SEMA3E: variants seen among roughly 807,000 people sequenced by gnomAD.
The protein encoded by SEMA3E is semaphorin 3E, also known as semaphorin-3E.
SEMA3E carries 49 observed loss-of-function variants against 93.6 expected under a neutral mutation model. The observed-to-expected ratio is 0.52, with a 90% CI of 0.42 to 0.66. The LOEUF is 0.66. Ranked by LOEUF, SEMA3E falls within the 30% of genes least tolerant of loss-of-function variation. SEMA3E has a pLI of 0.00. For missense variants in SEMA3E, 906 were observed against 964.8 expected, an observed-to-expected ratio of 0.94 and a Z score of 0.81; for synonymous variants, 363 against 330.7, an observed-to-expected ratio of 1.10 and a Z score of -1.06.
intron 16 of SEMA3E, among the ~76,000 whole-genome samples, chr7:83,379,983 T>C (rs1439513004): frequency 2.6e-5 from 4 of 151,820 alleles, no homozygotes; most frequent in Admixed American, 2.0e-4. Flanking sequence ...AAATCTTCCA[T>C]TGGGTTTTAT....
chr7:83,455,972 C>A (rs1335733059), intron 4 of SEMA3E, among the ~76,000 whole-genome samples: 2 of 152,174 alleles, frequency 1.3e-5, no homozygotes, highest in Non-Finnish European at 1.5e-5. Flanking sequence ...AGCAGAGGAG[C>A]CAACTAAACA....
chr7:83,392,451 T>G, intron 14 of SEMA3E, 104 bp downstream of exon 14: 1 of 1,277,138 alleles, frequency 7.8e-7, no homozygotes. Context: ...TACACAATAA[T>G]TAATACAGGT....
intron 1 of SEMA3E, among the ~76,000 whole-genome samples, chr7:83,592,256 T>C (rs1353754139): frequency 6.6e-6 from 1 of 152,090 alleles, no homozygotes; most frequent in African/African-American, 2.4e-5. Context: ...TCAAACATAC[T>C]TCATGCTAAA....
Position 83,648,481 on chromosome 7 carries a change from G to A in SEMA3E, c.62C>T (p.Thr21Ile). 1 of 1,610,912 alleles carries A rather than the reference G, an allele frequency of 6.2e-7. No individual in the cohort carries two copies. Among genetic ancestry groups the A allele is most frequent in the African/African-American group, 1.4e-5 (1 of 73,758 alleles). ...LLWGYLLELW[T>I]GGHTADTTHP... ...GGTAGTATCAGCTGTATGACCTCCT[G>A]TCCAAAGCTCCAGTAAGTAACCCCA... The change falls in exon 1 of 17, where the codon ACA (threonine) becomes ATA (isoleucine). Residue 21 changes from threonine (T) to isoleucine (I), a missense_variant. Thr to Ile is a moderately conservative substitution (Grantham distance 89, BLOSUM62 -1). Coordinates refer to ENST00000643230, the MANE Select transcript of SEMA3E (RefSeq NM_012431.3).
At chr7:83,445,062 A>T (rs1050077185) in intron 4 of SEMA3E, among the ~76,000 whole-genome samples, 8 of 152,180 alleles carry the variant, frequency 5.3e-5, no homozygotes, top group African/African-American at 1.7e-4. Context: ...CAGATGCAGC[A>T]AGGAAGCAGT....
intron 4 of SEMA3E, among the ~76,000 whole-genome samples, chr7:83,462,626 C>T (rs1222703143): frequency 6.6e-6 from 1 of 151,954 alleles, no homozygotes; most frequent in Non-Finnish European, 1.5e-5. Flanking sequence ...AAAACCTAAT[C>T]ACCTTTACCC....
At position 83,367,910 on chromosome 7, in the gene SEMA3E, G is replaced by A. The variant is rs760431278; in HGVS notation, c.2004C>T (p.Ile668=). ...TCTCCTCTTCCACTACCTCCAAGGT[G>A]ATTTTACGGACCGTATGGACAAAGC... ...EHSFVHTVRK[I]TLEVVEEEKV... Residue 668 remains isoleucine, a synonymous_variant, in exon 17 of 17, where the codon ATC becomes ATT. Transcript: ENST00000643230. 9.9e-6 allele frequency: 16 copies of A among 1,610,654 alleles called. No homozygotes were observed. In the East Asian group the frequency reaches 2.9e-4, roughly 29 times the overall value.
intron 1 of SEMA3E, among the ~76,000 whole-genome samples, chr7:83,631,027 T>C (rs911430907): frequency 6.6e-6 from 1 of 152,174 alleles, no homozygotes; most frequent in Non-Finnish European, 1.5e-5. Context: ...CTGGCAAATC[T>C]ACAAGATTTC....
intron 1 of SEMA3E, among the ~76,000 whole-genome samples, chr7:83,570,417 G>A (rs2115865898): frequency 6.8e-6 from 1 of 147,612 alleles, no homozygotes; most frequent in South Asian, 2.2e-4. Flanking sequence ...GCCGGGCGTA[G>A]TGGCGGGCGC....
intron 1 of SEMA3E, among the ~76,000 whole-genome samples, chr7:83,563,072 C>G (rs1471354327): frequency 6.6e-6 from 1 of 152,184 alleles, no homozygotes; most frequent in South Asian, 2.1e-4. Context: ...CTACTGTAGA[C>G]AGGCATGCTC....
At chr7:83,378,358 C>T (rs1240977866) in intron 16 of SEMA3E, among the ~76,000 whole-genome samples, 5 of 151,836 alleles carry the variant, frequency 3.3e-5, no homozygotes, top group East Asian at 1.9e-4. Flanking sequence ...CTTTATTTTG[C>T]TTCATCAACT....
chr7:83,434,317 A>C (rs903419943), intron 4 of SEMA3E, among the ~76,000 whole-genome samples: 23 of 152,184 alleles, frequency 1.5e-4, no homozygotes, highest in African/African-American at 5.5e-4. Context: ...AGACATTATA[A>C]AATAATATTG....
At chr7:83,646,637 C>T (rs1393499398) in intron 1 of SEMA3E, among the ~76,000 whole-genome samples, 1 of 152,020 alleles carries the variant, frequency 6.6e-6, no homozygotes, top group African/African-American at 2.4e-5. Context: ...AGCGGTTTTA[C>T]TCTCACACCA....
chr7:83,454,272 A>AAAAAAAAT (rs1257792756), intron 4 of SEMA3E, among the ~76,000 whole-genome samples: 1 of 110,110 alleles, frequency 9.1e-6, no homozygotes, highest in African/African-American at 4.3e-5. Flanking sequence ...AAAAAAAAAA[A>AAAAAAAAT]ATATATATAT....
rs1788369340 is a variant in SEMA3E at position 83,408,468 on chromosome 7, T to A, written c.570A>T (p.Gly190=). ...STLIGSELFA[G]LYSDYWSRDA... ...CTCTGCTCCAGTAGTCACTGTAGAGTCCAGCAAACAATTCACTACCTACAC... is the reference window on the plus strand; with the variant it reads ...CTCTGCTCCAGTAGTCACTGTAGAGACCAGCAAACAATTCACTACCTACAC... The change falls in exon 6 of 17, where the codon GGA becomes GGT. Residue 190 remains glycine, a synonymous_variant. Coordinates refer to ENST00000643230, the MANE Select transcript of SEMA3E (RefSeq NM_012431.3). 1 of 1,613,652 alleles carries A rather than the reference T, an allele frequency of 6.2e-7. No individual in the cohort carries two copies. The highest frequency in any genetic ancestry group is 1.7e-5 in the Admixed American group (1 of 59,878).
chr7:83,384,928 A>G (rs1180781806), intron 16 of SEMA3E, among the ~76,000 whole-genome samples: 1 of 151,892 alleles, frequency 6.6e-6, no homozygotes, highest in African/African-American at 2.4e-5. Flanking sequence ...AAGTTTTGCT[A>G]TTTCTCTACA....
intron 5 of SEMA3E, 128 bp from the exon 6 acceptor site, chr7:83,408,615 C>G (rs1446953948): frequency 2.8e-6 from 3 of 1,075,584 alleles, no homozygotes; most frequent in South Asian, 2.8e-5. Flanking sequence ...CTGTTAGGAG[C>G]ATGGATGGTA....
At chr7:83,528,727 C>T (rs1791221163) in intron 1 of SEMA3E, among the ~76,000 whole-genome samples, 1 of 151,946 alleles carries the variant, frequency 6.6e-6, no homozygotes, top group Non-Finnish European at 1.5e-5. Context: ...AAAATATAAT[C>T]TAGTTAACAT....
chr7:83,547,840 G>A (rs1791682929), intron 1 of SEMA3E, among the ~76,000 whole-genome samples: 1 of 151,966 alleles, frequency 6.6e-6, no homozygotes, highest in South Asian at 2.1e-4. Flanking sequence ...GACTCCAGTA[G>A]GCTTACTAAA....
Sources: allele counts gnomAD v4.1 joint callset (sites outside exome capture counted in the v4.1 genomes callset), GRCh38; gene constraint gnomAD v4.1.1; transcripts MANE v1.5; gene names NCBI Gene and HGNC (gene_info 2026-07-23, HGNC 2026-07-21).